Variants in MAD1L1 observed in about 807,000 individuals in gnomAD.
MAD1L1 encodes mitotic arrest deficient 1 like 1.
In MAD1L1, 95 loss-of-function variants were observed where a neutral mutation model predicts 96.9. The observed-to-expected ratio is 0.98, with a 90% CI of 0.83 to 1.16. The LOEUF (loss-of-function observed/expected upper bound fraction) is 1.16, where lower values mean the gene tolerates loss of function less well. Ranked by LOEUF, MAD1L1 falls within the 50% of genes most tolerant of loss-of-function variation. The pLI, the probability that MAD1L1 is intolerant of heterozygous loss-of-function variation, is 0.00. For missense variants in MAD1L1, 1,007 were observed against 954.4 expected (o/e 1.06, Z -0.73); for synonymous variants, 473 against 396.6 (o/e 1.19, Z -2.29).
intron 18 of MAD1L1, chr7:1,838,753 C>G: frequency 2.1e-6 from 1 of 471,014 alleles, no homozygotes; most frequent in East Asian, 6.9e-5. Flanking sequence ...GATGGCTGCA[C>G]GCTCTGTAGA....
At chr7:1,890,375 T>C (rs1386628820) in intron 18 of MAD1L1, among the ~76,000 whole-genome samples, 3 of 152,114 alleles carry the variant, frequency 2.0e-5, no homozygotes, top group Non-Finnish European at 2.9e-5. Context: ...TGAGAGCTGG[T>C]TGTTAGAAGG....
intron 14 of MAD1L1, among the ~76,000 whole-genome samples, chr7:1,981,552 C>T (rs1473922483): frequency 5.3e-5 from 8 of 152,150 alleles, no homozygotes; most frequent in Non-Finnish European, 1.2e-4. Flanking sequence ...TGCCCCTGGC[C>T]CAAGTCAGAA....
chr7:2,170,024 C>T (rs1584476007), intron 10 of MAD1L1, among the ~76,000 whole-genome samples: 3 of 152,182 alleles, frequency 2.0e-5, no homozygotes, highest in East Asian at 1.9e-4. Flanking sequence ...TGAATGCATC[C>T]GAAGGGGCCC....
intron 11 of MAD1L1, among the ~76,000 whole-genome samples, chr7:2,073,766 G>A (rs565807691): frequency 6.6e-6 from 1 of 152,360 alleles, no homozygotes; most frequent in African/African-American, 2.4e-5. Flanking sequence ...CATCCGCCAG[G>A]TTGTGAAGCA....
chr7:2,215,705 T>G (rs1793232030), intron 9 of MAD1L1, among the ~76,000 whole-genome samples, 180 bp downstream of exon 9: 1 of 152,152 alleles, frequency 6.6e-6, no homozygotes, highest in Non-Finnish European at 1.5e-5. Flanking sequence ...GAAGGTGCTG[T>G]GTTCACAGGC....
chr7:1,901,651 T>C (rs1787250009), intron 17 of MAD1L1, among the ~76,000 whole-genome samples: 1 of 152,208 alleles, frequency 6.6e-6, no homozygotes, highest in South Asian at 2.1e-4. Flanking sequence ...GGAGCCCAGC[T>C]CTGCAGCCCT....
chr7:1,932,414 C>T (rs1789532971), intron 17 of MAD1L1, among the ~76,000 whole-genome samples: 1 of 152,252 alleles, frequency 6.6e-6, no homozygotes. Flanking sequence ...TGCCAGCTTC[C>T]TGAGAGACGG....
chr7:2,002,861 C>T (rs1584045345), intron 13 of MAD1L1, among the ~76,000 whole-genome samples: 2 of 152,204 alleles, frequency 1.3e-5, no homozygotes, highest in African/African-American at 4.8e-5. Context: ...CCTCGGAGAC[C>T]CCCGCCCTGG....
At chr7:2,150,024 T>C (rs1249680280) in intron 10 of MAD1L1, among the ~76,000 whole-genome samples, 1 of 152,214 alleles carries the variant, frequency 6.6e-6, no homozygotes, top group South Asian at 2.1e-4. Flanking sequence ...TGTTCTTCTC[T>C]TCACCTGTCA....
chr7:1,967,580 C>T (rs207467611), intron 15 of MAD1L1, among the ~76,000 whole-genome samples: 1 of 152,166 alleles, frequency 6.6e-6, no homozygotes, highest in African/African-American at 2.4e-5. Context: ...ACAGGCATAC[C>T]CAGACCCTGA....
At chr7:2,008,832 A>AG (rs201024496) in intron 13 of MAD1L1, among the ~76,000 whole-genome samples, 1 of 105,978 alleles carries the variant, frequency 9.4e-6, no homozygotes. Context: ...CAGGAAGCTC[A>AG]GGTGGGAAGG....
chr7:2,121,206 G>A (rs1787961503), intron 11 of MAD1L1, among the ~76,000 whole-genome samples: 2 of 152,260 alleles, frequency 1.3e-5, no homozygotes, highest in African/African-American at 2.4e-5. Flanking sequence ...TCCACTCACT[G>A]GTGAGCCCCA....
At chr7:2,223,567 G>A (rs1793725168) in intron 4 of MAD1L1, 1 of 152,218 alleles carries the variant, frequency 6.6e-6, no homozygotes, top group Non-Finnish European at 1.5e-5. Flanking sequence ...CCTCATCCAG[G>A]GTACTCCAGC....
intron 12 of MAD1L1, among the ~76,000 whole-genome samples, chr7:2,046,891 CCT>C (rs377154980): frequency 5.6e-4 from 85 of 152,336 alleles, no homozygotes; most frequent in African/African-American, 1.9e-3. Context: ...TGCCCGGCCC[CCT>C]GTCCCAGGTG....
intron 12 of MAD1L1, among the ~76,000 whole-genome samples, chr7:2,015,988 A>G (rs974869158): frequency 2.0e-5 from 3 of 152,180 alleles, no homozygotes; most frequent in Admixed American, 6.5e-5. Context: ...ATGGGTATCT[A>G]TAAGATGCAG....
At chr7:1,988,313 C>T (rs761741854) in intron 14 of MAD1L1, among the ~76,000 whole-genome samples, 1 of 152,210 alleles carries the variant, frequency 6.6e-6, no homozygotes, top group Admixed American at 6.5e-5. Flanking sequence ...GCAGCGCACA[C>T]AGCAGCCCGG....
intron 18 of MAD1L1, among the ~76,000 whole-genome samples, chr7:1,872,174 G>A (rs918333470): frequency 1.3e-5 from 2 of 152,160 alleles, no homozygotes; most frequent in Non-Finnish European, 2.9e-5. Context: ...CACCTACCCC[G>A]CAGGGCTGCC....
At chr7:2,176,036 T>G (rs946583861) in intron 10 of MAD1L1, among the ~76,000 whole-genome samples, 2 of 152,214 alleles carry the variant, frequency 1.3e-5, no homozygotes, top group Non-Finnish European at 2.9e-5. Context: ...ATTGTACATT[T>G]TCTTTAATTA....
chr7:1,905,560 T>C, intron 17 of MAD1L1, among the ~76,000 whole-genome samples: 1 of 152,134 alleles, frequency 6.6e-6, no homozygotes, highest in East Asian at 1.9e-4. Flanking sequence ...GTGGAACTCA[T>C]GATTGATGAA....
Sources: gnomAD v4.1 joint callset for allele counts (sites outside exome capture counted in the v4.1 genomes callset) on GRCh38, gnomAD v4.1.1 for gene constraint, MANE v1.5 for transcripts, NCBI Gene and HGNC (gene_info 2026-07-23, HGNC 2026-07-21) for gene names.